The following IL22RA2 variants were observed in gnomAD, a reference collection of about 807,000 sequenced individuals.
The protein encoded by IL22RA2 is interleukin 22 receptor subunit alpha 2, also known as interleukin-22 receptor subunit alpha-2.
IL22RA2 carries 39 observed loss-of-function variants against 30.7 expected under a neutral mutation model. The observed-to-expected ratio is 1.27, with a 90% CI of 0.98 to 1.66. IL22RA2 has a LOEUF of 1.66. Among genes scored for constraint, IL22RA2 ranks in the 40% most tolerant of loss-of-function variants. IL22RA2 has a pLI of 0.00. For synonymous variants in IL22RA2, 103 were observed against 105.0 expected (o/e 0.98, Z 0.11); for missense variants, 315 against 312.7 (o/e 1.01, Z -0.05).
At chr6:137,153,308 G>C (rs923921014) in intron 5 of IL22RA2, among the ~76,000 whole-genome samples, 1 of 152,110 alleles carries the variant, frequency 6.6e-6, no homozygotes, top group South Asian at 2.1e-4. Context: ...GACTTTATAG[G>C]AAGGTGAAAT....
At chr6:137,148,796 A>G (rs971955908) in intron 5 of IL22RA2, among the ~76,000 whole-genome samples, 2 of 152,216 alleles carry the variant, frequency 1.3e-5, no homozygotes, top group Admixed American at 1.3e-4. Context: ...TTAAATAAAC[A>G]TGTCCCTTTT....
chr6:137,159,618 C>T (rs1453854725), intron 2 of IL22RA2, among the ~76,000 whole-genome samples: 6 of 152,260 alleles, frequency 3.9e-5, no homozygotes, highest in East Asian at 1.9e-4. Flanking sequence ...CCACTGCACC[C>T]GGCCAGGAAG....
At chr6:137,162,256 G>A (rs561505783) in intron 1 of IL22RA2, among the ~76,000 whole-genome samples, 30 of 152,300 alleles carry the variant, frequency 2.0e-4, no homozygotes, top group African/African-American at 7.2e-4. Flanking sequence ...AAAGCAAGAG[G>A]GGTCTATCGT....
At chr6:137,162,161 T>C (rs1778533647) in intron 1 of IL22RA2, among the ~76,000 whole-genome samples, 2 of 152,204 alleles carry the variant, frequency 1.3e-5, no homozygotes, top group African/African-American at 4.8e-5. Flanking sequence ...GCGGAGAGGC[T>C]GCCAAGGACT....
chr6:137,168,176 C>G (rs866049142), intron 1 of IL22RA2, among the ~76,000 whole-genome samples: 3 of 152,164 alleles, frequency 2.0e-5, no homozygotes, highest in Non-Finnish European at 2.9e-5. Context: ...AAAGGTGTGA[C>G]TAAAACTCTG....
intron 1 of IL22RA2, among the ~76,000 whole-genome samples, chr6:137,168,564 G>A (rs552637610): frequency 6.6e-6 from 1 of 152,162 alleles, no homozygotes; most frequent in Non-Finnish European, 1.5e-5. Context: ...GGCCATAATA[G>A]GAGAGTCCGA....
At chr6:137,146,375 C>A (rs1262759231) in intron 6 of IL22RA2, among the ~76,000 whole-genome samples, 1 of 152,058 alleles carries the variant, frequency 6.6e-6, no homozygotes, top group African/African-American at 2.4e-5. Flanking sequence ...TGATGTGCAG[C>A]GAGATGAGCA....
In IL22RA2 at chr6:137,170,472, G is replaced by T. The variant is rs1225111451; in HGVS notation, c.-66+2941C>A. 2.0e-5 allele frequency among the ~76,000 whole-genome samples: 3 copies of T among 152,160 alleles called. No individual in the cohort carries two copies. In the South Asian group the frequency reaches 6.2e-4, roughly 32 times the overall value. ...TTACAGGCCCAGTGAGTTCCTGCAT[G>T]ACTGCAGGGTCACAAGACTGATAAG... On this transcript the variant is annotated intron_variant, in intron 1 of 6. Coordinates refer to ENST00000296980, the MANE Select transcript of IL22RA2 (RefSeq NM_052962.3).
intron 5 of IL22RA2, among the ~76,000 whole-genome samples, chr6:137,151,518 A>G (rs1209246238): frequency 6.6e-6 from 1 of 152,376 alleles, no homozygotes; most frequent in Non-Finnish European, 1.5e-5. Flanking sequence ...CTTAGATATG[A>G]CACCAAAAGC....
At chr6:137,165,145 G>C (rs1426665215) in intron 1 of IL22RA2, among the ~76,000 whole-genome samples, 1 of 152,174 alleles carries the variant, frequency 6.6e-6, no homozygotes, top group Non-Finnish European at 1.5e-5. Context: ...CTACAAGTTT[G>C]CAGCAGTATT....
At chr6:137,169,038 C>A (rs1200824208) in intron 1 of IL22RA2, among the ~76,000 whole-genome samples, 1 of 152,186 alleles carries the variant, frequency 6.6e-6, no homozygotes, top group African/African-American at 2.4e-5. Flanking sequence ...AGATCAATGG[C>A]CCTGGGAAGC....
intron 5 of IL22RA2, among the ~76,000 whole-genome samples, chr6:137,148,716 G>A (rs1778228423): frequency 6.6e-6 from 1 of 152,102 alleles, no homozygotes; most frequent in Non-Finnish European, 1.5e-5. Flanking sequence ...CTACTCCCAG[G>A]CTATTTAATT....
At chr6:137,151,398 A>G (rs1452832113) in intron 5 of IL22RA2, among the ~76,000 whole-genome samples, 1 of 152,236 alleles carries the variant, frequency 6.6e-6, no homozygotes, top group African/African-American at 2.4e-5. Context: ...CACACCACAT[A>G]CAAAAATTAA....
At chr6:137,158,588 G>C (rs563707552) in intron 2 of IL22RA2, 106 bp from the exon 3 acceptor site, 1 of 1,171,616 alleles carries the variant, frequency 8.5e-7, no homozygotes, top group East Asian at 2.4e-5. Context: ...TAAAGTAGTT[G>C]CTCTAAGTGC....
intron 1 of IL22RA2, among the ~76,000 whole-genome samples, chr6:137,172,090 G>C (rs1308243286): frequency 6.6e-6 from 1 of 152,142 alleles, no homozygotes; most frequent in East Asian, 1.9e-4. Flanking sequence ...TTTAAATGGG[G>C]GATGATAATG....
At chr6:137,152,293 A>G (rs1359783549) in intron 5 of IL22RA2, among the ~76,000 whole-genome samples, 1 of 152,192 alleles carries the variant, frequency 6.6e-6, no homozygotes, top group Non-Finnish European at 1.5e-5. Flanking sequence ...AGCATTATTC[A>G]TAATAGCCAA....
chr6:137,167,956 TACAA>T (rs1245725892), intron 1 of IL22RA2, among the ~76,000 whole-genome samples: 2 of 152,358 alleles, frequency 1.3e-5, no homozygotes, highest in East Asian at 3.9e-4. Flanking sequence ...AGACTAAATT[TACAA>T]ACATAGTTAT....
At chr6:137,158,566 A>T in intron 2 of IL22RA2, 84 bp from the exon 3 acceptor site, 4 of 1,401,664 alleles carry the variant, frequency 2.9e-6, no homozygotes, top group Non-Finnish European at 4.0e-6. Flanking sequence ...GAATACCTGC[A>T]TCAGGATTCC....
intron 1 of IL22RA2, among the ~76,000 whole-genome samples, chr6:137,162,330 C>G (rs937713696): frequency 5.9e-5 from 9 of 152,142 alleles, no homozygotes; most frequent in African/African-American, 2.2e-4. Context: ...TGCCCCATAC[C>G]CTTCCACTGC....
Sources: gnomAD v4.1 joint callset for allele counts (sites outside exome capture counted in the v4.1 genomes callset) on GRCh38, gnomAD v4.1.1 for gene constraint, MANE v1.5 for transcripts, NCBI Gene and HGNC (gene_info 2026-07-23, HGNC 2026-07-21) for gene names.